Variants in MAGI2 observed in about 807,000 individuals in gnomAD.
MAGI2 encodes the protein membrane associated guanylate kinase, WW and PDZ domain containing 2, also known as membrane-associated guanylate kinase, WW and PDZ domain-containing protein 2.
In MAGI2, 35 loss-of-function variants were observed where a neutral mutation model predicts 133.3. The ratio of observed to expected loss-of-function variants is 0.26; its 90% CI spans 0.20 to 0.35. The LOEUF (loss-of-function observed/expected upper bound fraction) is 0.35. MAGI2 is among the 10% of genes least tolerant of loss of function. The pLI is 1.00. For synonymous variants in MAGI2, 729 were observed against 710.6 expected (o/e 1.03, Z -0.41); for missense variants, 1,636 against 1,863.4 (o/e 0.88, Z 2.25).
At chr7:79,014,592 G>A (rs1403128272) in intron 1 of MAGI2, among the ~76,000 whole-genome samples, 1 of 152,000 alleles carries the variant, frequency 6.6e-6, no homozygotes, top group Non-Finnish European at 1.5e-5. Context: ...ATATATATGG[G>A]TAAAAGGGAC....
At chr7:79,067,354 C>A (rs1443159131) in intron 1 of MAGI2, among the ~76,000 whole-genome samples, 2 of 152,074 alleles carry the variant, frequency 1.3e-5, no homozygotes, top group East Asian at 3.9e-4. Context: ...GTATTTTATT[C>A]TCTTTGTAGC....
At chr7:78,509,978 T>C (rs1315512112) in intron 4 of MAGI2, among the ~76,000 whole-genome samples, 1 of 152,216 alleles carries the variant, frequency 6.6e-6, no homozygotes. Context: ...ATATTTATAA[T>C]GGCTATGTGA....
In MAGI2 at chr7:79,248,828, G is replaced by A. The variant is rs116700327; in HGVS notation, c.301+204192C>T. ...TCTTGAAATAAATTATAATGGAAAC[G>A]CAACATATTAAAACCATTTTATTTT... On this transcript the variant is annotated intron_variant, in intron 1 of 21. Coordinates refer to ENST00000354212, the MANE Select transcript of MAGI2 (RefSeq NM_012301.4). 8.8e-3 allele frequency among the ~76,000 whole-genome samples: 1,312 copies of A among 149,170 alleles called. 17 individuals carry two copies. The highest frequency in any genetic ancestry group is 0.031 in the African/African-American group (1,236 of 40,470).
At chr7:78,888,468 G>A (rs1425562803) in intron 2 of MAGI2, among the ~76,000 whole-genome samples, 1 of 152,170 alleles carries the variant, frequency 6.6e-6, no homozygotes, top group Non-Finnish European at 1.5e-5. Flanking sequence ...GCCTAACTGG[G>A]AGGCATCCCC....
At chr7:78,120,348 A>G (rs1485814273) in intron 20 of MAGI2, among the ~76,000 whole-genome samples, 1 of 152,204 alleles carries the variant, frequency 6.6e-6, no homozygotes, top group Non-Finnish European at 1.5e-5. Context: ...GCTTGCAGTG[A>G]GCCGAGATTG....
intron 9 of MAGI2, among the ~76,000 whole-genome samples, chr7:78,285,231 G>A (rs1402549828): frequency 6.6e-6 from 1 of 151,998 alleles, no homozygotes; most frequent in Non-Finnish European, 1.5e-5. Context: ...GACAATCTAG[G>A]TTACGCATCC....
chr7:78,282,796 TTGACTTCA>T (rs1361166074), intron 9 of MAGI2, among the ~76,000 whole-genome samples: 1 of 152,094 alleles, frequency 6.6e-6, no homozygotes, highest in Admixed American at 6.6e-5. Flanking sequence ...TCAAGCTTTG[TTGACTTCA>T]TGAGGGGTGG....
At chr7:79,442,281 T>C (rs570667223) in intron 1 of MAGI2, among the ~76,000 whole-genome samples, 2 of 152,238 alleles carry the variant, frequency 1.3e-5, no homozygotes, top group East Asian at 1.9e-4. Context: ...AAAATATCAC[T>C]GATAATTGAA....
At chr7:79,448,221 T>C (rs1848995841) in intron 1 of MAGI2, among the ~76,000 whole-genome samples, 1 of 152,038 alleles carries the variant, frequency 6.6e-6, no homozygotes. Flanking sequence ...TTTTAAAAAG[T>C]GAAAATATTT....
intron 6 of MAGI2, among the ~76,000 whole-genome samples, chr7:78,427,551 C>T (rs1248905498): frequency 6.6e-6 from 1 of 151,092 alleles, no homozygotes; most frequent in East Asian, 2.0e-4. Context: ...TGCCTTATAT[C>T]ATGACTGCAT....
At chr7:78,296,019 A>T (rs992486877) in intron 9 of MAGI2, among the ~76,000 whole-genome samples, 2 of 152,058 alleles carry the variant, frequency 1.3e-5, no homozygotes, top group Non-Finnish European at 2.9e-5. Flanking sequence ...CACCTTTGCC[A>T]TTGCTATTAC....
At chr7:78,314,757 G>C (rs1369554201) in intron 9 of MAGI2, among the ~76,000 whole-genome samples, 2 of 152,138 alleles carry the variant, frequency 1.3e-5, no homozygotes, top group Non-Finnish European at 2.9e-5. Flanking sequence ...AACATTATAT[G>C]TTGTTGTTAT....
chr7:79,103,221 A>G (rs1271299191), intron 1 of MAGI2, among the ~76,000 whole-genome samples: 2 of 152,256 alleles, frequency 1.3e-5, no homozygotes, highest in East Asian at 3.8e-4. Context: ...CCAATTTAAA[A>G]TATTAGTCTG....
chr7:78,251,014 C>T (rs1792330501), intron 10 of MAGI2, among the ~76,000 whole-genome samples: 1 of 152,014 alleles, frequency 6.6e-6, no homozygotes, highest in South Asian at 2.1e-4. Context: ...AATTCAGCAA[C>T]ATACAAAAAG....
chr7:78,656,414 T>TGAAATAAGTGAAATAA (rs1812282011), intron 2 of MAGI2, among the ~76,000 whole-genome samples: 1 of 152,206 alleles, frequency 6.6e-6, no homozygotes, highest in Non-Finnish European at 1.5e-5. Flanking sequence ...GAGGACATTA[T>TGAAATAAGTGAAATAA]GCTAAGTGAA....
chr7:79,324,348 T>G (rs1839426790), intron 1 of MAGI2, among the ~76,000 whole-genome samples: 1 of 149,552 alleles, frequency 6.7e-6, no homozygotes, highest in East Asian at 2.0e-4. Flanking sequence ...TCAATTTATG[T>G]ATGTATGTAT....
At chr7:78,098,505 C>T (rs6951594) in intron 20 of MAGI2, among the ~76,000 whole-genome samples, 53,677 of 151,808 alleles carry the variant, frequency 0.35, 10,947 homozygotes, top group African/African-American at 0.57. Context: ...ATTCTATTGA[C>T]GTATATTTAG....
intron 15 of MAGI2, among the ~76,000 whole-genome samples, chr7:78,167,320 A>C (rs1825711421): frequency 6.6e-6 from 1 of 152,220 alleles, no homozygotes; most frequent in Admixed American, 6.5e-5. Flanking sequence ...TGACTTTGAA[A>C]AGTATGTCTT....
Position 78,926,593 on chromosome 7 carries a change from C to T in MAGI2, c.418+80497G>A, listed in dbSNP as rs191100917. ...CAAGATTCCTCCTGCCCAAGAACCT[C>T]GTTAAATAAAGTTTGAAAAACACTT... On this transcript the variant is annotated intron_variant, in intron 2 of 21. Transcript: ENST00000354212. Among the ~76,000 whole-genome samples, 61 of 151,912 alleles carry T rather than the reference C, an allele frequency of 4.0e-4. No individual in the cohort carries two copies. In the Middle Eastern group the frequency reaches 0.01, roughly 25 times the overall value.
Sources: gnomAD v4.1 joint callset for allele counts (sites outside exome capture counted in the v4.1 genomes callset) on GRCh38, gnomAD v4.1.1 for gene constraint, MANE v1.5 for transcripts, NCBI Gene and HGNC (gene_info 2026-07-23, HGNC 2026-07-21) for gene names.